RANBP2: variants seen among roughly 807,000 people sequenced by gnomAD.
RANBP2 encodes E3 SUMO-protein ligase RanBP2.
A neutral mutation model predicts 303.6 loss-of-function variants in RANBP2; 57 were observed. The ratio of observed to expected loss-of-function variants is 0.19; its 90% CI spans 0.15 to 0.23. The LOEUF is 0.23. Ranked by LOEUF, RANBP2 falls within the 10% of genes least tolerant of loss-of-function variation. The pLI is 1.00. For synonymous variants in RANBP2, 1,167 were observed against 1,301.5 expected, an observed-to-expected ratio of 0.90 and a Z score of 2.23; for missense variants, 3,138 against 3,780.8, an observed-to-expected ratio of 0.83 and a Z score of 4.46.
the RANBP2 span, among the ~76,000 whole-genome samples, chr2:109,383,099 C>T: frequency 6.6e-6 from 1 of 152,366 alleles, no homozygotes; most frequent in Admixed American, 6.5e-5. Flanking sequence ...GGCCCTGGCT[C>T]CGAGGCACTT....
At chr2:109,672,293 T>C in the RANBP2 span, among the ~76,000 whole-genome samples, 1 of 152,216 alleles carries the variant, frequency 6.6e-6, no homozygotes, top group African/African-American at 2.4e-5. Flanking sequence ...CTCTCACATA[T>C]TAGTCTGGAG....
the RANBP2 span, chr2:109,501,614 C>T: frequency 1.3e-6 from 1 of 778,994 alleles, no homozygotes; most frequent in South Asian, 1.4e-5. Context: ...ACAAGGGGAC[C>T]CTGCAGCGGA....
At chr2:109,462,873 T>C in the RANBP2 span, among the ~76,000 whole-genome samples, 1 of 152,204 alleles carries the variant, frequency 6.6e-6, no homozygotes, top group Non-Finnish European at 1.5e-5. Context: ...TGGCAGACCA[T>C]AGTGACATTT....
the RANBP2 span, among the ~76,000 whole-genome samples, chr2:109,607,666 G>A: frequency 2.6e-5 from 4 of 152,008 alleles, no homozygotes; most frequent in South Asian, 4.2e-4. Context: ...TCTCCTGAGG[G>A]GGTAATAATG....
the RANBP2 span, among the ~76,000 whole-genome samples, chr2:109,391,072 C>G: frequency 3.3e-5 from 5 of 152,190 alleles, no homozygotes; most frequent in African/African-American, 1.2e-4. Flanking sequence ...AGGGTTTTGT[C>G]CAGTCCATAA....
At chr2:109,567,985 A>G in the RANBP2 span, 1 of 1,561,046 alleles carries the variant, frequency 6.4e-7, no homozygotes, top group Non-Finnish European at 8.7e-7. Context: ...ACCTATTAAG[A>G]ATAAAGAAAA....
the RANBP2 span, among the ~76,000 whole-genome samples, chr2:109,394,026 G>A: frequency 6.6e-6 from 1 of 152,170 alleles, no homozygotes; most frequent in South Asian, 2.1e-4. Flanking sequence ...TCCAGGAGCT[G>A]CGGGGAGAGA....
At chr2:108,759,879 A>G (rs1384348845) in intron 18 of RANBP2, among the ~76,000 whole-genome samples, 1 of 152,176 alleles carries the variant, frequency 6.6e-6, no homozygotes, top group East Asian at 1.9e-4. Context: ...GTTCTTATAC[A>G]AGCATGTAAA....
the RANBP2 span, among the ~76,000 whole-genome samples, chr2:109,007,882 C>CAAG: frequency 0.99 from 151,505 of 152,300 alleles, 75,363 homozygotes; most frequent in Middle Eastern, 1. Context: ...CAAGAAACCA[C>CAAG]AAGAAATCTA....
the RANBP2 span, among the ~76,000 whole-genome samples, chr2:109,429,213 T>A: frequency 6.6e-6 from 1 of 152,064 alleles, no homozygotes; most frequent in Non-Finnish European, 1.5e-5. Context: ...CAGATGCAGT[T>A]GACCCCCACC....
chr2:109,604,358 A>G, the RANBP2 span, among the ~76,000 whole-genome samples: 4 of 79,284 alleles, frequency 5.0e-5, no homozygotes, highest in Non-Finnish European at 1.0e-4. Context: ...AGAAAGAAAA[A>G]GAAAGAAAGG....
chr2:108,835,501 CAT>C, the RANBP2 span, among the ~76,000 whole-genome samples: 5 of 152,168 alleles, frequency 3.3e-5, no homozygotes, highest in Admixed American at 6.5e-5. Flanking sequence ...TATGATAACA[CAT>C]GATATATTCA....
the RANBP2 span, among the ~76,000 whole-genome samples, chr2:109,512,994 C>G: frequency 6.6e-6 from 1 of 152,342 alleles, no homozygotes; most frequent in Non-Finnish European, 1.5e-5. Flanking sequence ...GGAGGGAAAC[C>G]TGCAAGAGCC....
chr2:109,065,383 C>T, the RANBP2 span, among the ~76,000 whole-genome samples: 15 of 152,034 alleles, frequency 9.9e-5, no homozygotes, highest in African/African-American at 3.4e-4. Flanking sequence ...TCTTTGTGTG[C>T]GTGTTTCTGT....
At chr2:109,140,124 A>G in the RANBP2 span, among the ~76,000 whole-genome samples, 2 of 152,142 alleles carry the variant, frequency 1.3e-5, no homozygotes, top group Non-Finnish European at 2.9e-5. Context: ...CCCTCTGTCC[A>G]CCGTCCCCTC....
chr2:108,822,116 AGAC>A, the RANBP2 span, among the ~76,000 whole-genome samples: 1 of 152,284 alleles, frequency 6.6e-6, no homozygotes, highest in East Asian at 1.9e-4. Context: ...GGATGGAAAA[AGAC>A]AATCCTTGTC....
chr2:109,657,801 C>A, the RANBP2 span, among the ~76,000 whole-genome samples: 1 of 144,630 alleles, frequency 6.9e-6, no homozygotes, highest in Non-Finnish European at 1.5e-5. Context: ...CTCACTGCAA[C>A]CTCCTCCTCC....
chr2:109,109,603 G>A, the RANBP2 span, among the ~76,000 whole-genome samples: 20 of 152,166 alleles, frequency 1.3e-4, no homozygotes, highest in Admixed American at 2.6e-4. Context: ...ATGCAACACA[G>A]TGCTGATTAA....
the RANBP2 span, among the ~76,000 whole-genome samples, chr2:109,452,804 T>TGGGAGGCTGGTTCTGGGAGGCTGGTGCC: frequency 1.4e-5 from 2 of 140,070 alleles, no homozygotes; most frequent in African/African-American, 5.5e-5. Context: ...AGGCTGGTGC[T>TGGGAGGCTGGTTCTGGGAGGCTGGTGCC]GGGAGGCTGG....
Sources: allele counts gnomAD v4.1 joint callset (sites outside exome capture counted in the v4.1 genomes callset), GRCh38; gene constraint gnomAD v4.1.1; transcripts MANE v1.5; gene names NCBI Gene and HGNC (gene_info 2026-07-23, HGNC 2026-07-21).